The following MARCHF1 variants were observed in gnomAD, a reference collection of about 807,000 sequenced individuals.
The protein encoded by MARCHF1 is E3 ubiquitin-protein ligase MARCHF1.
Under a neutral mutation model 54.2 loss-of-function variants are expected in MARCHF1, and 40 were observed. That is an observed-to-expected ratio of 0.74 (90% CI 0.57 to 0.96). MARCHF1 has a LOEUF of 0.96. Among genes scored for constraint, MARCHF1 ranks in the 40% least tolerant of loss-of-function variants. The pLI is 0.00. For missense variants in MARCHF1, 586 were observed against 656.5 expected (o/e 0.89, Z 1.17); for synonymous variants, 236 against 236.3 (o/e 1.00, Z 0.01).
intron 4 of MARCHF1, among the ~76,000 whole-genome samples, chr4:163,839,443 C>T (rs777225561): frequency 6.6e-6 from 1 of 151,902 alleles, no homozygotes; most frequent in South Asian, 2.1e-4. Flanking sequence ...TATTCAGAAT[C>T]GCCAAGAAGT....
intron 2 of MARCHF1, among the ~76,000 whole-genome samples, chr4:163,994,974 T>G (rs1354628934): frequency 6.6e-6 from 1 of 152,010 alleles, no homozygotes; most frequent in Non-Finnish European, 1.5e-5. Context: ...AATGTGTAGG[T>G]TTTTTTCCCC....
At chr4:164,251,635 A>T (rs1017672475) in intron 1 of MARCHF1, among the ~76,000 whole-genome samples, 1 of 152,184 alleles carries the variant, frequency 6.6e-6, no homozygotes, top group Non-Finnish European at 1.5e-5. Flanking sequence ...TGTATTGATA[A>T]AACTTTTTAT....
intron 1 of MARCHF1, among the ~76,000 whole-genome samples, chr4:164,294,184 G>A (rs62348052): frequency 0.53 from 81,023 of 152,100 alleles, 24,628 homozygotes; most frequent in Non-Finnish European, 0.7. Flanking sequence ...CAGACTGAAG[G>A]CTGCACTCTC....
chr4:164,162,427 A>G (rs1172956446), intron 1 of MARCHF1, among the ~76,000 whole-genome samples: 1 of 152,128 alleles, frequency 6.6e-6, no homozygotes, highest in Non-Finnish European at 1.5e-5. Flanking sequence ...GAATCCAGAG[A>G]GGGCAGCTGT....
intron 1 of MARCHF1, among the ~76,000 whole-genome samples, chr4:164,338,397 T>C (rs142161577): frequency 2.8e-4 from 42 of 152,146 alleles, no homozygotes; most frequent in African/African-American, 9.6e-4. Context: ...ATAAAAATAA[T>C]CAATAAAATG....
chr4:164,264,643 G>T (rs962502047), intron 1 of MARCHF1, among the ~76,000 whole-genome samples: 2 of 152,112 alleles, frequency 1.3e-5, no homozygotes, highest in Non-Finnish European at 2.9e-5. Flanking sequence ...CCACTGGCTG[G>T]ACGCAGTGGC....
At chr4:163,608,088 T>A (rs925608165) in intron 7 of MARCHF1, among the ~76,000 whole-genome samples, 2 of 152,168 alleles carry the variant, frequency 1.3e-5, no homozygotes, top group Admixed American at 1.3e-4. Flanking sequence ...GAATGTTCTA[T>A]CTGCCAGGCA....
intron 1 of MARCHF1, among the ~76,000 whole-genome samples, chr4:164,240,595 T>C (rs1732711711): frequency 6.6e-6 from 1 of 152,038 alleles, no homozygotes; most frequent in South Asian, 2.1e-4. Context: ...TCAGGCATTC[T>C]TATCTTAGGT....
intron 1 of MARCHF1, among the ~76,000 whole-genome samples, chr4:164,240,721 G>A (rs1732716115): frequency 6.6e-6 from 1 of 152,040 alleles, no homozygotes; most frequent in Non-Finnish European, 1.5e-5. Context: ...TCCTGGGCAT[G>A]GGACAAACTG....
intron 5 of MARCHF1, among the ~76,000 whole-genome samples, chr4:163,656,135 A>G (rs1427944654): frequency 6.6e-6 from 1 of 151,410 alleles, no homozygotes; most frequent in Non-Finnish European, 1.5e-5. Context: ...TTTTTTTGAA[A>G]AAAATAATAA....
intron 4 of MARCHF1, among the ~76,000 whole-genome samples, chr4:163,772,084 C>G (rs909355837): frequency 6.6e-6 from 1 of 152,122 alleles, no homozygotes; most frequent in African/African-American, 2.4e-5. Flanking sequence ...CAATTCAGAC[C>G]TACAGACTCA....
intron 2 of MARCHF1, among the ~76,000 whole-genome samples, chr4:164,110,738 CAAAAT>C (rs1755817866): frequency 6.7e-6 from 1 of 149,136 alleles, no homozygotes; most frequent in East Asian, 1.9e-4. Flanking sequence ...CTGCAAGTGT[CAAAAT>C]AAATTACCTG....
intron 1 of MARCHF1, among the ~76,000 whole-genome samples, chr4:164,365,557 G>C (rs1288003545): frequency 6.6e-6 from 1 of 152,054 alleles, no homozygotes; most frequent in East Asian, 1.9e-4. Context: ...TATAATAAGA[G>C]CAGTTAACAA....
At chr4:164,107,715 A>G (rs1755737832) in intron 2 of MARCHF1, among the ~76,000 whole-genome samples, 1 of 152,118 alleles carries the variant, frequency 6.6e-6, no homozygotes, top group African/African-American at 2.4e-5. Flanking sequence ...GTGTTTACTC[A>G]CTTAAAAATT....
intron 1 of MARCHF1, among the ~76,000 whole-genome samples, chr4:164,147,527 C>T (rs1156908830): frequency 3.2e-5 from 4 of 126,690 alleles, no homozygotes; most frequent in East Asian, 2.1e-4. Flanking sequence ...TTTGTAGGGA[C>T]ATGGATGAAA....
At chr4:163,891,280 C>A (rs192776299) in intron 3 of MARCHF1, among the ~76,000 whole-genome samples, 15 of 152,114 alleles carry the variant, frequency 9.9e-5, no homozygotes, top group Admixed American at 7.9e-4. Context: ...AGATAAATAA[C>A]TTCACTAGCT....
chr4:163,664,093 G>C (rs1432576742), intron 5 of MARCHF1, among the ~76,000 whole-genome samples: 3 of 152,140 alleles, frequency 2.0e-5, no homozygotes, highest in South Asian at 2.1e-4. Context: ...GGAATCTAAA[G>C]GCACTTTCAA....
chr4:163,895,901 C>T (rs909414254), intron 3 of MARCHF1, among the ~76,000 whole-genome samples: 1 of 152,066 alleles, frequency 6.6e-6, no homozygotes, highest in South Asian at 2.1e-4. Flanking sequence ...AAGCATGACC[C>T]CCCCACTGCC....
intron 4 of MARCHF1, among the ~76,000 whole-genome samples, chr4:163,708,891 T>G (rs1047446644): frequency 6.6e-6 from 1 of 152,148 alleles, no homozygotes; most frequent in Non-Finnish European, 1.5e-5. Flanking sequence ...AAATTATATA[T>G]GGGTATGATG....
Sources: allele counts gnomAD v4.1 joint callset (sites outside exome capture counted in the v4.1 genomes callset), GRCh38; gene constraint gnomAD v4.1.1; transcripts MANE v1.5; gene names NCBI Gene and HGNC (gene_info 2026-07-23, HGNC 2026-07-21).